SEC14L5: variants seen among roughly 807,000 people sequenced by gnomAD.
The protein encoded by SEC14L5 is SEC14-like protein 5.
Under a neutral mutation model 84.6 loss-of-function variants are expected in SEC14L5, and 96 were observed. The observed-to-expected ratio is 1.13, with a 90% confidence interval of 0.96 to 1.34. The LOEUF (loss-of-function observed/expected upper bound fraction) is 1.34, where lower values mean the gene tolerates loss of function less well. SEC14L5 is among the 40% of genes most tolerant of loss of function. The pLI is 0.00. For synonymous variants in SEC14L5, 546 were observed against 383.4 expected (o/e 1.42, Z -4.95); for missense variants, 1,224 against 942.5 (o/e 1.30, Z -3.91).
intron 11 of SEC14L5, among the ~76,000 whole-genome samples, chr16:5,003,970 G>A (rs1310468591): frequency 6.6e-6 from 1 of 152,222 alleles, no homozygotes; most frequent in Non-Finnish European, 1.5e-5. Context: ...ACGCGTGCAT[G>A]CACCCATGTG....
At chr16:4,959,490 G>A (rs2142464624) in intron 2 of SEC14L5, 104 bp downstream of exon 2, 1 of 952,570 alleles carries the variant, frequency 1.0e-6, no homozygotes. Flanking sequence ...AGATCAGAAG[G>A]AATTAGTGAG....
rs956171335 is a variant in SEC14L5 at position 4,959,262 on chromosome 16, C to A, written c.-51-11C>A. 4 of 1,355,304 alleles carry A rather than the reference C, an allele frequency of 3.0e-6. No homozygotes were observed. Among genetic ancestry groups the A allele is most frequent in the Non-Finnish European group, 4.2e-6 (4 of 944,728 alleles). 84.0% of individuals were successfully genotyped at this position (1,355,304 alleles called of 1,614,324 possible). A position where few individuals can be genotyped will look rare whatever the true frequency, so the allele number is the denominator to read the frequency against. ...GGGAGCTGCAACCTCACCAGTCACTCCTCGCCCCAGGCTCTGTGCACACCC... is the reference window on the plus strand; with the variant it reads ...GGGAGCTGCAACCTCACCAGTCACTACTCGCCCCAGGCTCTGTGCACACCC... On this transcript the variant is annotated splice_polypyrimidine_tract_variant and intron_variant, in intron 1 of 15. Coordinates refer to ENST00000251170, the MANE Select transcript of SEC14L5 (RefSeq NM_014692.2).
intron 2 of SEC14L5, among the ~76,000 whole-genome samples, chr16:4,986,179 G>A (rs1232016363): frequency 2.7e-5 from 4 of 148,650 alleles, no homozygotes; most frequent in African/African-American, 7.5e-5. Context: ...CGCTCTTGTC[G>A]CCCAGACTGG....
chr16:5,008,793 C>T (rs1596645022), intron 14 of SEC14L5, 145 bp downstream of exon 14: 2 of 674,026 alleles, frequency 3.0e-6, no homozygotes, highest in East Asian at 5.9e-5. Context: ...AGAGGAAAGA[C>T]ACACAGGGTC....
At chr16:4,991,800 C>A in intron 5 of SEC14L5, 38 bp from the exon 6 acceptor site, 3 of 1,468,134 alleles carry the variant, frequency 2.0e-6, no homozygotes, top group Non-Finnish European at 2.8e-6. Flanking sequence ...CTCCATCCTG[C>A]CCCGTGCTCA....
rs974343204 is a variant in SEC14L5 at position 5,000,800 on chromosome 16, T to C, written c.1060-55T>C. On this transcript the variant is annotated intron_variant, in intron 9 of 15. Coordinates refer to ENST00000251170, the MANE Select transcript of SEC14L5 (RefSeq NM_014692.2). ...GCCTGGGGCCGGGCCTGGGAAGGAC[T>C]GTGTGGGGTAAAGCAGCGAGGCGGA... 5.7e-6 allele frequency: 9 copies of C among 1,566,656 alleles called. No homozygotes were observed. The African/African-American group carries it at 9.5e-5, about 17-fold the overall frequency.
At chr16:4,959,029 G>A (rs1955086992) in intron 1 of SEC14L5, among the ~76,000 whole-genome samples, 1 of 151,826 alleles carries the variant, frequency 6.6e-6, no homozygotes, top group South Asian at 2.1e-4. Flanking sequence ...AAGGGGTGGG[G>A]GTAGAGGAAA....
chr16:5,000,649 A>G lies in SEC14L5; in HGVS notation c.971-6A>G. The G allele has an allele frequency of 6.4e-7, 1 of 1,550,626 alleles. No homozygotes were observed. Among genetic ancestry groups the G allele is most frequent in the Non-Finnish European group, 8.7e-7 (1 of 1,146,562 alleles). The stretch of plus-strand genomic sequence containing the variant: ...CTCTTCTTTCTGCTTGGCCCCATCC[A>G]CAAAGATGGCCGCCCCCTCTACATC... On this transcript the variant is annotated splice_polypyrimidine_tract_variant and splice_region_variant and intron_variant, in intron 8 of 15. Transcript: ENST00000251170.
Position 4,970,316 on chromosome 16 carries a change from G to A in SEC14L5, c.63+10930G>A, listed in dbSNP as rs181304749. 9.2e-5 allele frequency among the ~76,000 whole-genome samples: 14 copies of A among 152,270 alleles called. No homozygotes were observed. The East Asian group carries it at 2.7e-3, about 29-fold the overall frequency. Reference sequence around the variant, plus strand: ...TGAGAGTTGCGGGGAAGCAGGGAGTGGGGAGGTGGGGGATGTTAAGCAGGG... The same window carrying A: ...TGAGAGTTGCGGGGAAGCAGGGAGTAGGGAGGTGGGGGATGTTAAGCAGGG... On this transcript the variant is annotated intron_variant, in intron 2 of 15. Transcript: ENST00000251170.
intron 2 of SEC14L5, among the ~76,000 whole-genome samples, chr16:4,983,162 C>T (rs1194955706): frequency 1.3e-5 from 2 of 151,944 alleles, no homozygotes; most frequent in East Asian, 3.9e-4. Flanking sequence ...GCCACCATGC[C>T]CAGCTAATTT....
intron 10 of SEC14L5, among the ~76,000 whole-genome samples, chr16:5,003,152 C>G (rs938359374): frequency 6.6e-6 from 1 of 152,226 alleles, no homozygotes; most frequent in African/African-American, 2.4e-5. Context: ...TTGCCACTGT[C>G]CTATGAGTAA....
At chr16:5,008,049 A>G (rs890598581) in intron 13 of SEC14L5, among the ~76,000 whole-genome samples, 3 of 151,620 alleles carry the variant, frequency 2.0e-5, no homozygotes, top group Non-Finnish European at 2.9e-5. Flanking sequence ...CTGGGATTAC[A>G]GGTGCCAGCC....
At chr16:5,013,227 C>T (rs996844684) in intron 15 of SEC14L5, among the ~76,000 whole-genome samples, 1 of 152,124 alleles carries the variant, frequency 6.6e-6, no homozygotes, top group Admixed American at 6.5e-5. Flanking sequence ...GTATCAGCCA[C>T]CCAGCCAGGA....
rs1383748526 is a variant in SEC14L5 at position 5,000,866 on chromosome 16, C to A, written c.1071C>A (p.Val357=). Residue 357 remains valine (V), a synonymous_variant, in exon 10 of 16, where the codon GTC becomes GTA. Transcript: ENST00000251170. ...TCTCTCCCTTCCAGGTTCTCTCCGT[C>A]AACGAGGAAGGACAGAAGCGGTGTG... ...EEALLRHVLS[V]NEEGQKRCEG... 69 of 1,606,326 alleles carry A rather than the reference C, an allele frequency of 4.3e-5. No homozygotes were observed. Among genetic ancestry groups the A allele is most frequent in the Non-Finnish European group, 5.7e-5 (67 of 1,176,514 alleles).
At chr16:4,969,986 G>A (rs1223183893) in intron 2 of SEC14L5, among the ~76,000 whole-genome samples, 6 of 151,790 alleles carry the variant, frequency 4.0e-5, no homozygotes, top group Non-Finnish European at 8.8e-5. Context: ...CTAGGCTAAT[G>A]TTTGTATCTT....
chr16:4,986,580 A>C (rs1047011800), intron 2 of SEC14L5, among the ~76,000 whole-genome samples: 1 of 152,216 alleles, frequency 6.6e-6, no homozygotes, highest in African/African-American at 2.4e-5. Context: ...AAAGAAGTCA[A>C]CTGGGATGTG....
chr16:5,013,534 G>A (rs59897071), intron 15 of SEC14L5, among the ~76,000 whole-genome samples: 7,719 of 148,606 alleles, frequency 0.052, 662 homozygotes, highest in African/African-American at 0.18. Context: ...CTATAGGCAT[G>A]GGCTAGCTTG....
At chr16:4,963,651 C>A (rs1397049680) in intron 2 of SEC14L5, among the ~76,000 whole-genome samples, 2 of 148,358 alleles carry the variant, frequency 1.3e-5, no homozygotes, top group Non-Finnish European at 3.0e-5. Context: ...CAGGCTTTTG[C>A]TCCCTTTTTT....
intron 2 of SEC14L5, among the ~76,000 whole-genome samples, chr16:4,962,165 CAAAAAAA>C (rs540573784): frequency 6.9e-5 from 5 of 72,984 alleles, no homozygotes; most frequent in African/African-American, 2.1e-4. Flanking sequence ...GACTCTGTCT[CAAAAAAA>C]AAAAAAAAAA....
Sources: allele counts gnomAD v4.1 joint callset (sites outside exome capture counted in the v4.1 genomes callset), GRCh38; gene constraint gnomAD v4.1.1; transcripts MANE v1.5; gene names NCBI Gene and HGNC (gene_info 2026-07-23, HGNC 2026-07-21).